Variants in DRAXIN observed in about 807,000 individuals in gnomAD.
DRAXIN encodes the protein dorsal inhibitory axon guidance protein.
Under a neutral mutation model 33.9 loss-of-function variants are expected in DRAXIN, and 27 were observed. The observed-to-expected ratio is 0.80, with a 90% CI of 0.59 to 1.10. The LOEUF (loss-of-function observed/expected upper bound fraction) is 1.10, where lower values mean the gene tolerates loss of function less well. DRAXIN is among the 50% of genes least tolerant of loss of function. The probability of loss-of-function intolerance (pLI) is 0.00; values close to 1 mark genes in which losing one functional copy is unlikely to be tolerated. For missense variants in DRAXIN, 371 were observed against 460.8 expected (o/e 0.81, Z 1.78); for synonymous variants, 178 against 194.0 (o/e 0.92, Z 0.69).
rs548838160 is a variant in DRAXIN, at chr1:11,721,621, T to A, written c.*1925T>A. On this transcript the variant is annotated 3_prime_UTR_variant, in exon 7 of 7. Coordinates refer to ENST00000294485, the MANE Select transcript of DRAXIN (RefSeq NM_198545.4). ...TTGTTCTCTCCCTATCCAAGTTTGA[T>A]GGGCATGGGAACCTTGTGGGGAGGG... 33 of 152,426 alleles carry A rather than the reference T, an allele frequency of 2.2e-4. No individual in the cohort carries two copies. Among genetic ancestry groups the A allele is most frequent in the African/African-American group, 7.9e-4 (33 of 41,534 alleles). The allele number at this position is 152,426 out of a possible 1,614,324, so 9.4% of individuals were successfully genotyped here. A position where few individuals can be genotyped will look rare whatever the true frequency, so the allele number is the denominator to read the frequency against.
At position 11,720,064 on chromosome 1, in the gene DRAXIN, T is replaced by C. The variant is rs1641638947; in HGVS notation, c.*368T>C. ...GAAATTTAAACTTCCCGAAAGAAGG[T>C]CCACCATCAGGAGATGAATATGGAA... On this transcript the variant is annotated 3_prime_UTR_variant, in exon 7 of 7. Coordinates refer to ENST00000294485, the MANE Select transcript of DRAXIN (RefSeq NM_198545.4). 1 of 252,992 alleles carries C rather than the reference T, an allele frequency of 4.0e-6. No homozygotes were observed. Among genetic ancestry groups the C allele is most frequent in the Non-Finnish European group, 8.2e-6 (1 of 122,644 alleles). 15.7% of individuals were successfully genotyped at this position (252,992 alleles called of 1,614,324 possible).
Position 11,704,507 on chromosome 1 carries a change from C to T in DRAXIN, c.-10-1742C>T, listed in dbSNP as rs1026390353. 1.3e-5 allele frequency among the ~76,000 whole-genome samples: 2 copies of T among 152,222 alleles called. No homozygotes were observed. The highest frequency in any genetic ancestry group is 4.8e-5 in the African/African-American group (2 of 41,454). On this transcript the variant is annotated intron_variant, in intron 1 of 6. Transcript: ENST00000294485. The surrounding 1 kb of genome is among the most constrained non-coding windows in gnomAD (Gnocchi z 4.6). ...CCTCAGGAACCAGGGACACAGGTCC[C>T]GCTTGCTGAGCTCTGGCCTCAAGAG... is the stretch of plus-strand genomic sequence containing the variant.
chr1:11,711,781 C>A, intron 3 of DRAXIN, 70 bp from the exon 4 acceptor site: 1 of 1,435,600 alleles, frequency 7.0e-7, no homozygotes, highest in Non-Finnish European at 9.6e-7. Context: ...TGTCCTCTGA[C>A]CTTGGGACTC....
chr1:11,717,401 T>C (rs1399361418), intron 6 of DRAXIN, among the ~76,000 whole-genome samples: 4 of 150,324 alleles, frequency 2.7e-5, no homozygotes, highest in East Asian at 2.0e-4. Context: ...GAGTGGTTCA[T>C]GCCTGTAATC....
Position 11,692,671 on chromosome 1 carries a change from T to C in DRAXIN, c.-11+818T>C, listed in dbSNP as rs985938346. On this transcript the variant is annotated intron_variant, in intron 1 of 6. Transcript: ENST00000294485. The surrounding 1 kb of genome is among the most constrained non-coding windows in gnomAD (Gnocchi z 5.8). ...CCTCAGCTGGGTGCTCCCTGGGCCA[T>C]CCTCTCCGCCCGGTGGTCTCCCCTG... Among the ~76,000 whole-genome samples the C allele has an allele frequency of 6.6e-6, 1 of 152,168 alleles. No homozygotes were observed. Among genetic ancestry groups the C allele is most frequent in the African/African-American group, 2.4e-5 (1 of 41,446 alleles).
chr1:11,700,963 C>A (rs926056860), intron 1 of DRAXIN, among the ~76,000 whole-genome samples: 2 of 152,174 alleles, frequency 1.3e-5, no homozygotes, highest in African/African-American at 4.8e-5. Flanking sequence ...TCTCCTGGCC[C>A]CCAAATGCAA....
At chr1:11,710,099 C>T (rs553456717) in intron 3 of DRAXIN, among the ~76,000 whole-genome samples, 3 of 151,352 alleles carry the variant, frequency 2.0e-5, no homozygotes, top group South Asian at 2.1e-4. Flanking sequence ...GCAGGAGAAT[C>T]GCTTGAACTT....
rs1553171601 is a variant in DRAXIN at position 11,720,613 on chromosome 1, A to AG, written c.*918dup. The AG allele has an allele frequency of 9.5e-5, 13 of 137,090 alleles. 3 individuals carry two copies. The highest frequency in any genetic ancestry group is 1.1e-4 in the Non-Finnish European group (7 of 64,398). The allele number at this position is 137,090 out of a possible 1,614,324, so 8.5% of individuals were successfully genotyped here. A position where few individuals can be genotyped will look rare whatever the true frequency, so the allele number is the denominator to read the frequency against. ...CATCTCAAAAAAAAAAAAAAAAAAA[A>AG]GCACATCTGACTCAGTGGGCTCTGT... On this transcript the variant is annotated 3_prime_UTR_variant, in exon 7 of 7. Transcript: ENST00000294485.
chr1:11,715,345 G>A (rs909780919), intron 6 of DRAXIN, 137 bp downstream of exon 6: 5 of 1,024,140 alleles, frequency 4.9e-6, no homozygotes, highest in Middle Eastern at 2.1e-4. Flanking sequence ...CGGCGGGGGT[G>A]TAGGTGGGAG....
intron 5 of DRAXIN, among the ~76,000 whole-genome samples, chr1:11,714,563 C>T (rs961469440): frequency 4.6e-5 from 7 of 152,242 alleles, no homozygotes; most frequent in Admixed American, 2.0e-4. Context: ...GAATATTCTA[C>T]AAAACAGCAA....
chr1:11,711,518 C>T (rs566515703), intron 3 of DRAXIN, among the ~76,000 whole-genome samples: 197 of 152,346 alleles, frequency 1.3e-3, no homozygotes, highest in Middle Eastern at 3.4e-3. Flanking sequence ...ACACCCTCCT[C>T]GTGGGCTTAA....
rs756073581 is a variant in DRAXIN, at chr1:11,704,007, C to T, written c.-10-2242C>T. Among the ~76,000 whole-genome samples the T allele has an allele frequency of 7.5e-4, 114 of 152,288 alleles. No homozygotes were observed. Among genetic ancestry groups the T allele is most frequent in the Non-Finnish European group, 1.4e-3 (92 of 68,020 alleles). On this transcript the variant is annotated intron_variant, in intron 1 of 6. Coordinates refer to ENST00000294485, the MANE Select transcript of DRAXIN (RefSeq NM_198545.4). The surrounding 1 kb of genome is among the most constrained non-coding windows in gnomAD (Gnocchi z 4.6). Reference sequence around the variant, plus strand: ...CAGCACCTAGGCTGCTCACCAGGCTCAGAGGCGGCTCTGAGGTTTACTGAC... The same window carrying T: ...CAGCACCTAGGCTGCTCACCAGGCTTAGAGGCGGCTCTGAGGTTTACTGAC...
chr1:11,709,202 C>T (rs1641436126), intron 2 of DRAXIN, 73 bp from the exon 3 acceptor site: 25 of 1,446,842 alleles, frequency 1.7e-5, no homozygotes, highest in Middle Eastern at 2.1e-4. Context: ...CAGCATAAAA[C>T]GTGGGTTCTA....
At chr1:11,714,727 C>T (rs1641548703) in intron 5 of DRAXIN, among the ~76,000 whole-genome samples, 1 of 152,220 alleles carries the variant, frequency 6.6e-6, no homozygotes. Flanking sequence ...ATGGCAGGTG[C>T]CCAGGACTTC....
At position 11,711,964 on chromosome 1, in the gene DRAXIN, A is replaced by G. The variant is rs1235062747; in HGVS notation, c.756A>G (p.Lys252=). ...KPDGWPSAKK[K]EKHRGKLSSD... ...ATGGTTGGCCCTCTGCAAAGAAGAAAGGTATGCCCACCTACCCCACTATCT... is the reference window on the plus strand; with the variant it reads ...ATGGTTGGCCCTCTGCAAAGAAGAAGGGTATGCCCACCTACCCCACTATCT... Residue 252 remains lysine (K), a splice_region_variant and synonymous_variant, in exon 4 of 7, where the codon AAA becomes AAG. Transcript: ENST00000294485. The G allele has an allele frequency of 7.4e-6, 12 of 1,611,134 alleles. No homozygotes were observed. The highest frequency in any genetic ancestry group is 1.3e-5 in the African/African-American group (1 of 74,876).
chr1:11,706,039 G>A lies in DRAXIN; in HGVS notation c.-10-210G>A, dbSNP rs1057326206. Among the ~76,000 whole-genome samples the A allele has an allele frequency of 7.9e-5, 12 of 152,100 alleles. No individual in the cohort carries two copies. Among genetic ancestry groups the A allele is most frequent in the Admixed American group, 3.9e-4 (6 of 15,262 alleles). On this transcript the variant is annotated intron_variant, in intron 1 of 6. Transcript: ENST00000294485. The surrounding 1 kb of genome is among the most constrained non-coding windows in gnomAD (Gnocchi z 5.5). ...GGGGCTGTCCTGTGCATTGTCGGGCGTTTAGCAGCATCCACGGGCTCCAAC... is the reference window on the plus strand; with the variant it reads ...GGGGCTGTCCTGTGCATTGTCGGGCATTTAGCAGCATCCACGGGCTCCAAC...
intron 6 of DRAXIN, among the ~76,000 whole-genome samples, chr1:11,715,581 A>C (rs1641563863): frequency 6.7e-6 from 1 of 150,174 alleles, no homozygotes; most frequent in Non-Finnish European, 1.5e-5. Context: ...CCGCTTTCAC[A>C]CCAGAATTCT....
At chr1:11,717,083 G>A (rs1296516166) in intron 6 of DRAXIN, among the ~76,000 whole-genome samples, 1 of 152,082 alleles carries the variant, frequency 6.6e-6, no homozygotes, top group Non-Finnish European at 1.5e-5. Flanking sequence ...TCAGGAGTGA[G>A]ACCAGCCTGG....
At position 11,706,690 on chromosome 1, in the gene DRAXIN, C is replaced by A; in HGVS notation, c.432C>A (p.Asp144Glu). 2 of 1,582,160 alleles carry A rather than the reference C, an allele frequency of 1.3e-6. No individual in the cohort carries two copies. The highest frequency in any genetic ancestry group is 1.7e-6 in the Non-Finnish European group (2 of 1,169,080). ...GCAGGGAGCACAAGAGACGCAGGGACAGGTTGAGGCTGCACCAAGGTAGCT... is the reference window on the plus strand; with the variant it reads ...GCAGGGAGCACAAGAGACGCAGGGAAAGGTTGAGGCTGCACCAAGGTAGCT... ...KRSREHKRRR[D>E]RLRLHQGRAL... The change falls in exon 2 of 7, where the codon GAC becomes GAA. Residue 144 changes from aspartate (D) to glutamate (E), a missense_variant. Physicochemically the swap from Asp to Glu is conservative, Grantham distance 45. Transcript: ENST00000294485. The surrounding 1 kb of genome is among the most constrained non-coding windows in gnomAD (Gnocchi z 5.5).
Sources: gnomAD v4.1 joint callset for allele counts (sites outside exome capture counted in the v4.1 genomes callset) on GRCh38, gnomAD v4.1.1 for gene constraint, Gnocchi (gnomAD v3.1) non-coding constraint, MANE v1.5 for transcripts, NCBI Gene and HGNC (gene_info 2026-07-23, HGNC 2026-07-21) for gene names.